Variants in DOCK10 observed in about 807,000 individuals in gnomAD.
DOCK10 encodes dedicator of cytokinesis protein 10.
Under a neutral mutation model 280.1 loss-of-function variants are expected in DOCK10, and 145 were observed. The ratio of observed to expected loss-of-function variants is 0.52; its 90% CI spans 0.45 to 0.59. The LOEUF (loss-of-function observed/expected upper bound fraction) is 0.59. Ranked by LOEUF, DOCK10 falls within the 20% of genes least tolerant of loss-of-function variation. The pLI is 0.00. For missense variants in DOCK10, 2,368 were observed against 2,651.7 expected (o/e 0.89, Z 2.35); for synonymous variants, 915 against 942.2 (o/e 0.97, Z 0.53).
At position 224,885,809 on chromosome 2, in the gene DOCK10, A is replaced by C. The variant is rs770310408; in HGVS notation, c.613-4T>G. ...GGAAGTAGCGCTTTTTGAATGACTA[A>C]ATAAAGGAAAAGATATAAGGAGATA... On this transcript the variant is annotated splice_polypyrimidine_tract_variant and splice_region_variant and intron_variant, in intron 6 of 55. Coordinates refer to ENST00000258390, the MANE Select transcript of DOCK10 (RefSeq NM_014689.3). 1.2e-6 allele frequency: 2 copies of C among 1,611,488 alleles called. No individual in the cohort carries two copies. The highest frequency in any genetic ancestry group is 1.7e-5 in the Admixed American group (1 of 59,654).
chr2:224,967,082 C>CTT (rs11381058), intron 1 of DOCK10, among the ~76,000 whole-genome samples: 86 of 142,944 alleles, frequency 6.0e-4, no homozygotes, highest in East Asian at 2.3e-3. Context: ...ATCCTCTAGT[C>CTT]TTTTTTTTTT....
chr2:224,916,901 G>GTGTCTCTGTCTTCTGTT, intron 2 of DOCK10, 117 bp from the exon 3 acceptor site: 2 of 735,952 alleles, frequency 2.7e-6, no homozygotes, highest in Non-Finnish European at 4.6e-6. Context: ...GTTAACAGAA[G>GTGTCTCTGTCTTCTGTT]ACAGAGACAC....
intron 53 of DOCK10, among the ~76,000 whole-genome samples, chr2:224,771,511 T>A (rs899007729): frequency 6.6e-6 from 1 of 152,230 alleles, no homozygotes; most frequent in African/African-American, 2.4e-5. Flanking sequence ...ATTTGCTGAA[T>A]GAATGCACAG....
At chr2:225,019,911 A>AAAGCTGAACCAAC (rs1689740683) in intron 1 of DOCK10, among the ~76,000 whole-genome samples, 1 of 152,254 alleles carries the variant, frequency 6.6e-6, no homozygotes, top group Non-Finnish European at 1.5e-5. Flanking sequence ...ACCAATTGAC[A>AAAGCTGAACCAAC]AAGCTGAACC....
chr2:224,800,170 A>AG lies in DOCK10; in HGVS notation c.4486dup (p.Leu1496ProfsTer14). On this transcript the variant is annotated frameshift_variant, in exon 41 of 56. Transcript: ENST00000258390. LOFTEE classifies it high-confidence loss of function. The stretch of plus-strand genomic sequence containing the variant: ...ATTCACCTGATGAGTCTGTGTGAAG[A>AG]GGGATAACAGGTCCAGAATAGTGAG... 1 of 1,607,104 alleles carries AG rather than the reference A, an allele frequency of 6.2e-7. No homozygotes were observed. Among genetic ancestry groups the AG allele is most frequent in the Non-Finnish European group, 8.5e-7 (1 of 1,174,534 alleles).
At chr2:224,849,654 T>TG in intron 18 of DOCK10, 55 bp from the exon 19 acceptor site, 4 of 1,322,852 alleles carry the variant, frequency 3.0e-6, no homozygotes, top group Non-Finnish European at 4.2e-6. Flanking sequence ...TATCCCTGGG[T>TG]GAAAAAAAAG....
At chr2:224,819,057 G>A (rs557613048) in intron 29 of DOCK10, among the ~76,000 whole-genome samples, 2 of 152,198 alleles carry the variant, frequency 1.3e-5, no homozygotes, top group Admixed American at 6.5e-5. Flanking sequence ...TCTCCCCAGC[G>A]TATACCCCTA....
intron 3 of DOCK10, among the ~76,000 whole-genome samples, chr2:224,900,738 C>T (rs916259017): frequency 4.6e-5 from 7 of 152,162 alleles, no homozygotes; most frequent in Admixed American, 6.5e-5. Flanking sequence ...TTGTGTGAAG[C>T]GCCTAGCATA....
At chr2:224,946,913 A>G in intron 1 of DOCK10, 2 of 1,544,652 alleles carry the variant, frequency 1.3e-6, no homozygotes, top group Non-Finnish European at 1.7e-6. Flanking sequence ...TCCAAAATTC[A>G]CTGGGCTCCC....
Position 224,886,139 on chromosome 2 carries a change from C to T in DOCK10, c.536G>A (p.Gly179Glu), listed in dbSNP as rs767555804. Residue 179 changes from glycine to glutamate, a missense_variant, in exon 6 of 56, where the codon GGA (glycine) becomes GAA (glutamate). Coordinates refer to ENST00000258390, the MANE Select transcript of DOCK10 (RefSeq NM_014689.3). ...SSSKGGGGAGGTGVFKSGWLY... is the reference protein window; with the variant it reads ...SSSKGGGGAGETGVFKSGWLY... ...CCAGCCGGACTTGAAAACACCAGTT[C>T]CTCCCGCTCCTCCACCCCCCTTGGA... 9.3e-6 allele frequency: 15 copies of T among 1,613,710 alleles called. No homozygotes were observed. Among genetic ancestry groups the T allele is most frequent in the East Asian group, 2.2e-5 (1 of 44,870 alleles).
chr2:224,832,453 T>G (rs1695299943), intron 26 of DOCK10, among the ~76,000 whole-genome samples: 1 of 152,190 alleles, frequency 6.6e-6, no homozygotes, highest in Admixed American at 6.5e-5. Flanking sequence ...ATACAAACAA[T>G]GCTGCGATAA....
rs193115793 is a variant in DOCK10 at position 224,940,357 on chromosome 2, A to G, written c.124-8689T>C. Among the ~76,000 whole-genome samples, 11 of 152,286 alleles carry G rather than the reference A, an allele frequency of 7.2e-5. No homozygotes were observed. In the East Asian group the frequency reaches 9.6e-4, roughly 13 times the overall value. On this transcript the variant is annotated intron_variant, in intron 1 of 55. Transcript: ENST00000258390. ...GAGTAGGTTTCCAATGCTTGCAACT[A>G]TAGGAATCTAATGAGATATAATACA... is the stretch of plus-strand genomic sequence containing the variant.
chr2:224,960,746 T>TC (rs1704319398), intron 1 of DOCK10, among the ~76,000 whole-genome samples: 1 of 140,516 alleles, frequency 7.1e-6, no homozygotes, highest in Non-Finnish European at 1.5e-5. Flanking sequence ...TTTTTTTTTT[T>TC]TTTTTTTTTT....
At chr2:224,841,943 G>A (rs999555081) in intron 22 of DOCK10, 47 bp from the exon 23 acceptor site, 27 of 1,398,126 alleles carry the variant, frequency 1.9e-5, no homozygotes, top group Non-Finnish European at 2.0e-5. Context: ...CACGTAAACC[G>A]TGTTACAAAC....
rs369031633 is a variant in DOCK10 at position 224,798,978 on chromosome 2, G to A, written c.4507-1009C>T. Among the ~76,000 whole-genome samples, 13 of 152,198 alleles carry A rather than the reference G, an allele frequency of 8.5e-5. No homozygotes were observed. In the East Asian group the frequency reaches 2.1e-3, roughly 25 times the overall value. ...CTAGCCTAGGTGTTTAAGCTCATTT[G>A]GTAGAGCTGCAAATGTTTTTAATAG... is the stretch of plus-strand genomic sequence containing the variant. On this transcript the variant is annotated intron_variant, in intron 41 of 55. Transcript: ENST00000258390.
chr2:224,828,599 T>A (rs1287839209), intron 27 of DOCK10, among the ~76,000 whole-genome samples: 1 of 152,082 alleles, frequency 6.6e-6, no homozygotes, highest in African/African-American at 2.4e-5. Context: ...ATTAAGAAGG[T>A]CAGGGGTGTT....
intron 3 of DOCK10, among the ~76,000 whole-genome samples, chr2:224,907,260 T>G (rs1291914498): frequency 6.6e-6 from 1 of 152,188 alleles, no homozygotes; most frequent in Non-Finnish European, 1.5e-5. Context: ...AGAGTAACAT[T>G]ATTTATACTT....
intron 1 of DOCK10, among the ~76,000 whole-genome samples, chr2:224,955,747 T>C (rs539192857): frequency 5.1e-4 from 78 of 152,348 alleles, no homozygotes; most frequent in African/African-American, 1.5e-3. Context: ...CACACTGCAG[T>C]AAATTCTTGA....
At chr2:224,932,034 T>A (rs1480666009) in intron 1 of DOCK10, among the ~76,000 whole-genome samples, 1 of 152,208 alleles carries the variant, frequency 6.6e-6, no homozygotes, top group Admixed American at 6.5e-5. Context: ...ATGATGATTA[T>A]CATCATTTCT....
Sources: gnomAD v4.1 joint callset for allele counts (sites outside exome capture counted in the v4.1 genomes callset) on GRCh38, gnomAD v4.1.1 for gene constraint, MANE v1.5 for transcripts, NCBI Gene and HGNC (gene_info 2026-07-23, HGNC 2026-07-21) for gene names.